Variants in PRKG1 observed in about 807,000 individuals in gnomAD.
The protein encoded by PRKG1 is cGMP-dependent protein kinase 1.
In PRKG1, 35 loss-of-function variants were observed where a neutral mutation model predicts 88.1. The ratio of observed to expected loss-of-function variants is 0.40; its 90% CI spans 0.30 to 0.53. PRKG1 has a LOEUF of 0.53. PRKG1 is among the 20% of genes least tolerant of loss of function. The probability of loss-of-function intolerance (pLI) is 0.59; values close to 1 mark genes in which losing one functional copy is unlikely to be tolerated. For synonymous variants in PRKG1, 303 were observed against 292.5 expected, an observed-to-expected ratio of 1.04 and a Z score of -0.37; for missense variants, 540 against 839.8, an observed-to-expected ratio of 0.64 and a Z score of 4.41.
chr10:51,408,571 C>T (rs933360604), intron 2 of PRKG1, among the ~76,000 whole-genome samples: 3 of 152,186 alleles, frequency 2.0e-5, no homozygotes, highest in Non-Finnish European at 4.4e-5. Flanking sequence ...CAACCTGCCA[C>T]CAGGTGGCTG....
intron 4 of PRKG1, among the ~76,000 whole-genome samples, chr10:51,824,680 C>T (rs960376788): frequency 7.2e-5 from 11 of 152,078 alleles, no homozygotes; most frequent in Admixed American, 2.0e-4. Flanking sequence ...AGCTTTTACT[C>T]ATGGCAGAAG....
intron 8 of PRKG1, among the ~76,000 whole-genome samples, chr10:52,156,410 A>G (rs980406814): frequency 6.6e-6 from 1 of 151,850 alleles, no homozygotes; most frequent in African/African-American, 2.4e-5. Flanking sequence ...TCAAAGTTGT[A>G]CTTTATTCCT....
chr10:51,676,942 A>G (rs143088646), intron 3 of PRKG1, among the ~76,000 whole-genome samples: 128 of 152,324 alleles, frequency 8.4e-4, no homozygotes, highest in African/African-American at 3.1e-3. Context: ...TACACAAATC[A>G]TAAGTGTACA....
chr10:52,017,584 A>C (rs1845073111), intron 5 of PRKG1, among the ~76,000 whole-genome samples: 1 of 152,062 alleles, frequency 6.6e-6, no homozygotes, highest in African/African-American at 2.4e-5. Flanking sequence ...TGAGGAGGGG[A>C]AGATAGGAGC....
chr10:51,248,963 C>T (rs994364405), intron 2 of PRKG1, among the ~76,000 whole-genome samples: 4 of 151,602 alleles, frequency 2.6e-5, no homozygotes, highest in East Asian at 1.9e-4. Flanking sequence ...ATCAAGACCC[C>T]GGTCAGATTA....
intron 8 of PRKG1, among the ~76,000 whole-genome samples, chr10:52,144,544 C>T (rs769027780): frequency 1.3e-5 from 2 of 152,186 alleles, no homozygotes; most frequent in Non-Finnish European, 2.9e-5. Context: ...GGCACAGTGG[C>T]TCATGCCTGT....
In PRKG1 at chr10:51,381,026, T is replaced by C. The variant is rs548884353; in HGVS notation, c.479-86697T>C. On this transcript the variant is annotated intron_variant, in intron 2 of 17. Transcript: ENST00000373980. ...GTGCCTCTGAGTCCATTCTTTGAAT[T>C]TGGACGGGTAAATGTGTGTTTTTTC... Among the ~76,000 whole-genome samples, 450 of 151,748 alleles carry C rather than the reference T, an allele frequency of 3.0e-3. 4 individuals carry two copies. The highest frequency in any genetic ancestry group is 0.01 in the African/African-American group (422 of 41,424).
chr10:51,298,537 A>G (rs1840783273), intron 2 of PRKG1, among the ~76,000 whole-genome samples: 1 of 152,188 alleles, frequency 6.6e-6, no homozygotes, highest in Non-Finnish European at 1.5e-5. Flanking sequence ...TATAAATGTT[A>G]GCTATTACAC....
At chr10:51,303,802 T>G (rs1487360837) in intron 2 of PRKG1, among the ~76,000 whole-genome samples, 1 of 151,348 alleles carries the variant, frequency 6.6e-6, no homozygotes, top group African/African-American at 2.4e-5. Context: ...AAACTATATC[T>G]ATATATATAT....
At chr10:51,992,461 G>T (rs112642943) in intron 5 of PRKG1, among the ~76,000 whole-genome samples, 4 of 152,030 alleles carry the variant, frequency 2.6e-5, no homozygotes, top group Admixed American at 2.6e-4. Context: ...CTTTAGAAAG[G>T]CACCGGTAAG....
chr10:51,649,503 A>T (rs1839989274), intron 3 of PRKG1, among the ~76,000 whole-genome samples: 1 of 152,182 alleles, frequency 6.6e-6, no homozygotes, highest in Non-Finnish European at 1.5e-5. Flanking sequence ...ACAGATAAGT[A>T]AAATATGCCT....
chr10:52,118,256 A>C (rs1009512622), intron 7 of PRKG1, among the ~76,000 whole-genome samples: 1 of 151,932 alleles, frequency 6.6e-6, no homozygotes, highest in Non-Finnish European at 1.5e-5. Context: ...CTGTGAACTG[A>C]CTGTTCATGT....
chr10:51,200,696 A>G (rs931630173), intron 2 of PRKG1, among the ~76,000 whole-genome samples: 16 of 152,190 alleles, frequency 1.1e-4, no homozygotes, highest in African/African-American at 3.6e-4. Flanking sequence ...TTTTCATAGC[A>G]TGTGCATTTT....
At chr10:51,767,337 C>G (rs910112178) in intron 3 of PRKG1, among the ~76,000 whole-genome samples, 1 of 151,662 alleles carries the variant, frequency 6.6e-6, no homozygotes, top group African/African-American at 2.4e-5. Context: ...AATTTACTCT[C>G]TCTCTCTCTC....
chr10:51,494,142 C>G (rs1365380150), intron 3 of PRKG1, among the ~76,000 whole-genome samples: 1 of 152,004 alleles, frequency 6.6e-6, no homozygotes, highest in East Asian at 1.9e-4. Flanking sequence ...CTCACTGCAC[C>G]CTTGAACTGG....
intron 3 of PRKG1, among the ~76,000 whole-genome samples, chr10:51,570,655 C>A (rs1489929416): frequency 6.6e-6 from 1 of 151,382 alleles, no homozygotes; most frequent in Admixed American, 6.6e-5. Flanking sequence ...TTATTTTGAC[C>A]TGTCGAATTT....
intron 14 of PRKG1, among the ~76,000 whole-genome samples, chr10:52,285,533 CT>C (rs1842099222): frequency 4.6e-5 from 7 of 152,104 alleles, no homozygotes; most frequent in Admixed American, 3.3e-4. Flanking sequence ...CTGGAAAGTG[CT>C]TTTGTGAGTT....
At chr10:51,595,894 G>A (rs373240334) in intron 3 of PRKG1, among the ~76,000 whole-genome samples, 1 of 151,954 alleles carries the variant, frequency 6.6e-6, no homozygotes, top group South Asian at 2.1e-4. Context: ...GAGTGCAGTG[G>A]CAGGATCTTG....
At chr10:51,865,351 A>G (rs1014136696) in intron 4 of PRKG1, among the ~76,000 whole-genome samples, 1 of 152,082 alleles carries the variant, frequency 6.6e-6, no homozygotes, top group Non-Finnish European at 1.5e-5. Context: ...ATTTTACAAC[A>G]TAGGTATAAT....
Sources: gnomAD v4.1 joint callset for allele counts (sites outside exome capture counted in the v4.1 genomes callset) on GRCh38, gnomAD v4.1.1 for gene constraint, MANE v1.5 for transcripts, NCBI Gene and HGNC (gene_info 2026-07-23, HGNC 2026-07-21) for gene names.